The following VNN2 variants were observed in gnomAD, a reference collection of about 807,000 sequenced individuals.
VNN2 encodes the protein vanin 2, also known as pantetheine hydrolase VNN2.
A neutral mutation model predicts 43.0 loss-of-function variants in VNN2; 43 were observed. That is an observed-to-expected ratio of 1.00 (90% CI 0.78 to 1.29). The LOEUF is 1.29. Among genes scored for constraint, VNN2 ranks in the 50% most tolerant of loss-of-function variants. VNN2 has a pLI of 0.00. For missense variants in VNN2, 652 were observed against 619.7 expected, an observed-to-expected ratio of 1.05 and a Z score of -0.55; for synonymous variants, 230 against 224.3, an observed-to-expected ratio of 1.03 and a Z score of -0.23.
intron 6 of VNN2, 33 bp downstream of exon 6, chr6:132,749,662 A>T: frequency 6.3e-7 from 1 of 1,578,994 alleles, no homozygotes; most frequent in Non-Finnish European, 8.6e-7. Flanking sequence ...GAGAACATAT[A>T]AAATGAAAAT....
At chr6:132,752,175 T>C (rs981461250) in intron 4 of VNN2, among the ~76,000 whole-genome samples, 2 of 152,232 alleles carry the variant, frequency 1.3e-5, no homozygotes, top group African/African-American at 4.8e-5. Flanking sequence ...GGGTAGCATT[T>C]GGCAAATTAC....
intron 2 of VNN2, among the ~76,000 whole-genome samples, chr6:132,757,158 A>G (rs1348355501): frequency 6.6e-6 from 1 of 152,216 alleles, no homozygotes; most frequent in Admixed American, 6.5e-5. Flanking sequence ...ACTTGTATCT[A>G]TGAGATCTCT....
intron 3 of VNN2, chr6:132,753,546 TA>T (rs547143662): frequency 1.4e-4 from 60 of 420,892 alleles, no homozygotes; most frequent in Admixed American, 2.3e-4. Flanking sequence ...CTAGGTAAAC[TA>T]AAAAAAAACT....
At chr6:132,744,735 G>T (rs1047882353) in intron 6 of VNN2, among the ~76,000 whole-genome samples, 2 of 152,198 alleles carry the variant, frequency 1.3e-5, no homozygotes, top group African/African-American at 2.4e-5. Context: ...GTCAAAATCA[G>T]CAGCAGCAAT....
intron 3 of VNN2, among the ~76,000 whole-genome samples, chr6:132,755,253 T>C (rs975961218): frequency 6.6e-6 from 1 of 151,216 alleles, no homozygotes; most frequent in South Asian, 2.1e-4. Flanking sequence ...TTGTTTTATA[T>C]GTGCAAAAAG....
upstream of VNN2, among the ~76,000 whole-genome samples, chr6:132,762,337 T>C (rs1780758032): frequency 1.3e-5 from 2 of 152,138 alleles, no homozygotes; most frequent in South Asian, 4.1e-4. Context: ...TGTATTATTA[T>C]CAATGACATT....
intron 2 of VNN2, among the ~76,000 whole-genome samples, chr6:132,756,482 A>G (rs34199346): frequency 0.024 from 3,681 of 152,102 alleles, 75 homozygotes; most frequent in Admixed American, 0.059. Context: ...GAGCACTCCA[A>G]CTTGTATCTC....
rs9493424 is a variant in VNN2, at chr6:132,753,452, T to C, written c.538-703A>G. ...AGGTGAGAGATGTCATCTCTCTCTT[T>C]AGTGTCCCATCCAAAGTAATCTCAG... On this transcript the variant is annotated intron_variant, in intron 3 of 6. Transcript: ENST00000326499. 1.5e-3 allele frequency: 699 copies of C among 453,772 alleles called. 4 individuals carry two copies. The highest frequency in any genetic ancestry group is 0.011 in the African/African-American group (539 of 49,952). 28.1% of individuals were successfully genotyped at this position (453,772 alleles called of 1,614,324 possible).
In VNN2 at chr6:132,755,879, A is replaced by G. The variant is rs1163811234; in HGVS notation, c.501T>C (p.Tyr167=). The stretch of plus-strand genomic sequence containing the variant: ...GTGCCACGAGTTTTCCTTCTGTATT[A>G]TACACCACATTGGTATTGTATTGAA... ...GYFQYNTNVV[Y]NTEGKLVARY... Residue 167 remains tyrosine, a synonymous_variant, in exon 3 of 7, where the codon TAT becomes TAC. Transcript: ENST00000326499. 1.9e-6 allele frequency: 3 copies of G among 1,613,716 alleles called. No homozygotes were observed. Among genetic ancestry groups the G allele is most frequent in the Non-Finnish European group, 2.5e-6 (3 of 1,179,968 alleles).
chr6:132,746,037 G>A (rs1199787783), intron 6 of VNN2, among the ~76,000 whole-genome samples: 2 of 152,190 alleles, frequency 1.3e-5, no homozygotes, highest in African/African-American at 4.8e-5. Flanking sequence ...GTCTTCACAT[G>A]CATTATCATA....
upstream of VNN2, among the ~76,000 whole-genome samples, chr6:132,761,519 G>T (rs1166547699): frequency 6.6e-6 from 1 of 152,072 alleles, no homozygotes; most frequent in Non-Finnish European, 1.5e-5. Context: ...AACTAGCTGG[G>T]CATGGTGGCA....
chr6:132,751,237 T>A lies in VNN2; in HGVS notation c.1108A>T (p.Ser370Cys). 1.2e-6 allele frequency: 2 copies of A among 1,614,228 alleles called. No individual in the cohort carries two copies. The highest frequency in any genetic ancestry group is 1.7e-6 in the Non-Finnish European group (2 of 1,180,038). The change falls in exon 5 of 7, where the codon AGC becomes TGC. Residue 370 changes from serine (S) to cysteine (C), a missense_variant. Coordinates refer to ENST00000326499, the MANE Select transcript of VNN2 (RefSeq NM_004665.6). ...VCQKELCCHL[S>C]YRMLQKEENE... ...TCTTCTTTTTGTAACATTCTGTAGC[T>A]TAAATGACAGCAAAGCTCCTTTTGA...
intron 3 of VNN2, chr6:132,753,402 G>A (rs1780253064): frequency 2.4e-6 from 1 of 414,676 alleles, no homozygotes; most frequent in South Asian, 1.7e-5. Flanking sequence ...AATATTAATA[G>A]ATGCATAATA....
In VNN2 at chr6:132,744,155, A is replaced by C. The variant is rs978481782; in HGVS notation, c.*145T>G. 5 of 649,866 alleles carry C rather than the reference A, an allele frequency of 7.7e-6. No homozygotes were observed. Among genetic ancestry groups the C allele is most frequent in the Non-Finnish European group, 1.2e-5 (5 of 421,556 alleles). 40.3% of individuals were successfully genotyped at this position (649,866 alleles called of 1,614,324 possible). On this transcript the variant is annotated 3_prime_UTR_variant, in exon 7 of 7. Coordinates refer to ENST00000326499, the MANE Select transcript of VNN2 (RefSeq NM_004665.6). ...GACAACATTATCATAATACTTAAAA[A>C]ATAATTATTGATGAGAAAAAATATT...
chr6:132,751,277 T>A lies in VNN2; in HGVS notation c.1068A>T (p.Gly356=), dbSNP rs1562245449. 6 of 1,614,210 alleles carry A rather than the reference T, an allele frequency of 3.7e-6. No homozygotes were observed. The highest frequency in any genetic ancestry group is 5.1e-6 in the Non-Finnish European group (6 of 1,180,038). Residue 356 remains glycine (G), a synonymous_variant, in exon 5 of 7, where the codon GGA becomes GGT. Transcript: ENST00000326499. ...GCTCCTTTTGACAGACTGTAAGGTTTCCTGCATTTTCAAAAAGTTCTGTGA... is the reference window on the plus strand; with the variant it reads ...GCTCCTTTTGACAGACTGTAAGGTTACCTGCATTTTCAAAAAGTTCTGTGA... The part of the protein sequence containing the change: ...FNFTELFENA[G]NLTVCQKELC...
At chr6:132,756,102 G>T in intron 2 of VNN2, 67 bp from the exon 3 acceptor site, 1 of 1,385,440 alleles carries the variant, frequency 7.2e-7, no homozygotes, top group Non-Finnish European at 9.6e-7. Flanking sequence ...ATATGGAAAC[G>T]ATAGCAACTG....
chr6:132,751,167 C>A lies in VNN2; in HGVS notation c.1178G>T (p.Arg393Leu). Residue 393 changes from arginine (R) to leucine (L), a missense_variant, in exon 5 of 7, where the codon CGA becomes CTA. Arg to Leu is a moderately radical substitution (Grantham distance 102). Coordinates refer to ENST00000326499, the MANE Select transcript of VNN2 (RefSeq NM_004665.6). ...VLGAFTGLHG[R>L]RRREYWQVCT... ...TACCTGCCAGTACTCTCTTCTCCTT[C>A]GGCCATGTAATCCTGTAAAAGCTCC... The A allele has an allele frequency of 6.2e-7, 1 of 1,604,374 alleles. No individual in the cohort carries two copies. Among genetic ancestry groups the A allele is most frequent in the South Asian group, 1.1e-5 (1 of 89,642 alleles).
At chr6:132,754,350 A>C (rs1377532611) in intron 3 of VNN2, among the ~76,000 whole-genome samples, 1 of 152,246 alleles carries the variant, frequency 6.6e-6, no homozygotes, top group East Asian at 1.9e-4. Context: ...CAAAATTATG[A>C]AGAAAGCATT....
chr6:132,755,769 A>G (rs879763617), intron 3 of VNN2, 74 bp downstream of exon 3: 2 of 1,420,770 alleles, frequency 1.4e-6, no homozygotes, highest in Non-Finnish European at 1.9e-6. Context: ...ATAGGGAATG[A>G]AATTCAAACT....
Sources: gnomAD v4.1 joint callset for allele counts (sites outside exome capture counted in the v4.1 genomes callset) on GRCh38, gnomAD v4.1.1 for gene constraint, MANE v1.5 for transcripts, NCBI Gene and HGNC (gene_info 2026-07-23, HGNC 2026-07-21) for gene names.